RC3H2: variants seen among roughly 807,000 people sequenced by gnomAD.
RC3H2 encodes roquin-2.
In RC3H2, 31 loss-of-function variants were observed where a neutral mutation model predicts 133.3. The observed-to-expected ratio is 0.23, with a 90% confidence interval of 0.17 to 0.31. The LOEUF is 0.31. Ranked by LOEUF, RC3H2 falls within the 10% of genes least tolerant of loss-of-function variation. The pLI, the probability that RC3H2 is intolerant of heterozygous loss-of-function variation, is 1.00. For missense variants in RC3H2, 1,175 were observed against 1,437.2 expected (o/e 0.82, Z 2.95); for synonymous variants, 517 against 502.2 (o/e 1.03, Z -0.40).
At chr9:122,862,324 C>G (rs1830488334) in intron 10 of RC3H2, among the ~76,000 whole-genome samples, 1 of 152,202 alleles carries the variant, frequency 6.6e-6, no homozygotes, top group African/African-American at 2.4e-5. Context: ...CAGTCACATC[C>G]TAGTGAGCAT....
At chr9:122,868,839 ATGTGTGTGTGTGTGTG>A (rs36205979) in intron 9 of RC3H2, among the ~76,000 whole-genome samples, 2,533 of 118,868 alleles carry the variant, frequency 0.021, 112 homozygotes, top group South Asian at 0.071. Context: ...TCCCTCCTAT[ATGTGTGTGTGTGTGTG>A]TGTGTGTGTG....
At position 122,858,864 on chromosome 9, in the gene RC3H2, G is replaced by C; in HGVS notation, c.2088C>G (p.Asp696Glu). The C allele has an allele frequency of 6.2e-7, 1 of 1,614,278 alleles. No homozygotes were observed. Among genetic ancestry groups the C allele is most frequent in the Non-Finnish European group, 8.5e-7 (1 of 1,180,048 alleles). The change falls in exon 12 of 21, where the codon GAC becomes GAG. Residue 696 changes from aspartate to glutamate, a missense_variant. Physicochemically the swap from Asp to Glu is conservative, Grantham distance 45 (BLOSUM62 2). Transcript: ENST00000357244. The part of the protein sequence containing the change: ...VPSGMYAPVY[D>E]SRRIWRPPMY... The stretch of plus-strand genomic sequence containing the variant: ...TAGGTGGGCGCCAGATGCGCCTGCT[G>C]TCGTACACAGGAGCATACATTCCAG...
chr9:122,852,534 G>T (rs1426003335), intron 18 of RC3H2, among the ~76,000 whole-genome samples: 12 of 142,262 alleles, frequency 8.4e-5, no homozygotes, highest in African/African-American at 3.3e-4. Flanking sequence ...GAGGGAGGTG[G>T]GGGGGTCAGC....
chr9:122,876,520 C>T lies in RC3H2; in HGVS notation c.1325+951G>A, dbSNP rs140276728. Among the ~76,000 whole-genome samples the T allele has an allele frequency of 2.1e-3, 318 of 151,386 alleles. 2 individuals are homozygous for T. Among genetic ancestry groups the T allele is most frequent in the African/African-American group, 5.7e-3 (233 of 41,204 alleles). ...GTGGGCGCCTGTGGTTCCAGCTACT[C>T]GGGAGGCTGAGGCAGGAGTATCGTT... is the stretch of plus-strand genomic sequence containing the variant. On this transcript the variant is annotated intron_variant, in intron 9 of 20. Transcript: ENST00000357244.
intron 9 of RC3H2, among the ~76,000 whole-genome samples, chr9:122,875,943 G>A (rs905390812): frequency 1.3e-5 from 2 of 152,176 alleles, no homozygotes; most frequent in African/African-American, 4.8e-5. Flanking sequence ...AAGAAGGGTG[G>A]TATGAGTAAA....
At chr9:122,865,709 A>T in intron 9 of RC3H2, 52 bp from the exon 10 acceptor site, 1 of 1,532,882 alleles carries the variant, frequency 6.5e-7, no homozygotes, top group Admixed American at 1.8e-5. Context: ...AATCTTACTC[A>T]AGACAAAAAA....
chr9:122,854,546 G>A lies in RC3H2; in HGVS notation c.2885C>T (p.Ala962Val). Residue 962 changes from alanine (A) to valine (V), a missense_variant, in exon 16 of 21, where the codon GCA becomes GTA. Around this residue, in one of 8 missense-constraint regions of RC3H2, gnomAD observed 138 missense variants for 215.0 expected, o/e 0.64. Coordinates refer to ENST00000357244, the MANE Select transcript of RC3H2 (RefSeq NM_001100588.3). ...SSYGNEATSS[A>V]HYVERDRFIV... ...AGAACGTTACCTTTCAACATAGTGT[G>A]CTGATGATGTGGCCTCGTTGCCATA... 6.2e-7 allele frequency: 1 copy of A among 1,611,784 alleles called. No homozygotes were observed. The highest frequency in any genetic ancestry group is 1.7e-4 in the Middle Eastern group (1 of 6,058).
At chr9:122,853,299 T>TAC (rs1172071307) in intron 18 of RC3H2, among the ~76,000 whole-genome samples, 1 of 150,466 alleles carries the variant, frequency 6.6e-6, no homozygotes, top group Non-Finnish European at 1.5e-5. Flanking sequence ...TTCACTTGTT[T>TAC]ATCTGCTGAC....
rs1429152381 is a variant in RC3H2 at position 122,851,328 on chromosome 9, T to C, written c.3226A>G (p.Ile1076Val). ...TATCTAATTGTGGCACTTACTTCAA[T>C]TGGTTCACTTTGTCCATCAGGTTCA... Reference protein sequence around the residue: ...TDEPDGQSEPIEEILDIQLGI... With the variant: ...TDEPDGQSEPVEEILDIQLGI... Residue 1076 changes from isoleucine to valine, a missense_variant, in exon 19 of 21, where the codon ATT (isoleucine) becomes GTT (valine). By Grantham distance (29) the Ile-to-Val change is conservative. Transcript: ENST00000357244. The C allele has an allele frequency of 1.9e-6, 3 of 1,613,836 alleles. No individual in the cohort carries two copies. The highest frequency in any genetic ancestry group is 2.5e-6 in the Non-Finnish European group (3 of 1,179,792).
intron 9 of RC3H2, chr9:122,875,232 C>T: frequency 1.3e-6 from 2 of 1,551,174 alleles, no homozygotes; most frequent in Non-Finnish European, 1.7e-6. Flanking sequence ...AAGCATGTTT[C>T]TGCTCTTTTC....
intron 18 of RC3H2, among the ~76,000 whole-genome samples, chr9:122,852,016 G>A (rs1369077089): frequency 1.2e-4 from 18 of 149,456 alleles, no homozygotes; most frequent in Admixed American, 2.0e-4. Context: ...AGTGAGGACC[G>A]TCTCTGCCCG....
intron 6 of RC3H2, 160 bp downstream of exon 6, chr9:122,880,434 G>C (rs754280906): frequency 1.9e-5 from 13 of 694,962 alleles, no homozygotes; most frequent in Non-Finnish European, 2.6e-5. Context: ...CCTTTATTTT[G>C]CAAGTAGAAA....
At chr9:122,882,945 AGAGTC>A (rs942757826) in intron 5 of RC3H2, among the ~76,000 whole-genome samples, 1 of 152,228 alleles carries the variant, frequency 6.6e-6, no homozygotes, top group African/African-American at 2.4e-5. Context: ...TTACTTGATA[AGAGTC>A]AAGTTTACCA....
chr9:122,857,992 T>G lies in RC3H2; in HGVS notation c.2385A>C (p.Ser795=), dbSNP rs537632879. ...GTGACTGTGTTGCCACAGGAAGAGTTGAAGAGACAAGAGGTGCTTTCTGAG... is the reference window on the plus strand; with the variant it reads ...GTGACTGTGTTGCCACAGGAAGAGTGGAAGAGACAAGAGGTGCTTTCTGAG... The part of the protein sequence containing the change: ...YHTQKAPLVS[S]TLPVATQSPT... Residue 795 remains serine, a synonymous_variant, in exon 13 of 21, where the codon TCA becomes TCC. Transcript: ENST00000357244. 131 of 1,614,068 alleles carry G rather than the reference T, an allele frequency of 8.1e-5. No individual in the cohort carries two copies. The highest frequency in any genetic ancestry group is 8.7e-5 in the Non-Finnish European group (103 of 1,179,996).
At chr9:122,889,666 CAAAA>C in intron 4 of RC3H2, among the ~76,000 whole-genome samples, 1 of 148,668 alleles carries the variant, frequency 6.7e-6, no homozygotes, top group African/African-American at 2.5e-5. Context: ...TTTTTCAGAC[CAAAA>C]AAAAAGCTTA....
At chr9:122,886,129 A>G (rs1831901293) in intron 4 of RC3H2, among the ~76,000 whole-genome samples, 1 of 152,160 alleles carries the variant, frequency 6.6e-6, no homozygotes, top group Admixed American at 6.5e-5. Context: ...ACCTCAAGTT[A>G]TCCACCCGCC....
intron 4 of RC3H2, among the ~76,000 whole-genome samples, chr9:122,888,962 C>T (rs1230674877): frequency 6.6e-6 from 1 of 152,168 alleles, no homozygotes; most frequent in Non-Finnish European, 1.5e-5. Flanking sequence ...GTACCTCACA[C>T]CCTTGCCAAC....
chr9:122,872,057 C>T (rs1234825495), intron 9 of RC3H2, among the ~76,000 whole-genome samples: 4 of 152,112 alleles, frequency 2.6e-5, no homozygotes, highest in Admixed American at 1.3e-4. Flanking sequence ...GAATTACAGG[C>T]GTGAGCCACC....
chr9:122,855,983 A>C (rs1250957178), intron 13 of RC3H2, 105 bp from the exon 14 acceptor site: 1 of 824,530 alleles, frequency 1.2e-6, no homozygotes, highest in East Asian at 2.8e-5. Context: ...CTTCATAGCA[A>C]ACAATTATAC....
Sources: gnomAD v4.1 joint callset for allele counts (sites outside exome capture counted in the v4.1 genomes callset) on GRCh38, gnomAD v4.1.1 for gene constraint, gnomAD v4.1.1 regional missense constraint, MANE v1.5 for transcripts, NCBI Gene and HGNC (gene_info 2026-07-23, HGNC 2026-07-21) for gene names.